The following RASGEF1A variants were observed in gnomAD, a reference collection of about 807,000 sequenced individuals.
The protein encoded by RASGEF1A is RasGEF domain family member 1A.
In RASGEF1A, 18 loss-of-function variants were observed where a neutral mutation model predicts 56.4. The observed-to-expected ratio is 0.32, with a 90% CI of 0.22 to 0.47. The LOEUF is 0.47. Among genes scored for constraint, RASGEF1A ranks in the 20% least tolerant of loss-of-function variants. The probability of loss-of-function intolerance (pLI) is 1.00; values close to 1 mark genes in which losing one functional copy is unlikely to be tolerated. For missense variants in RASGEF1A, 422 were observed against 627.1 expected, an observed-to-expected ratio of 0.67 and a Z score of 3.49; for synonymous variants, 245 against 242.6, an observed-to-expected ratio of 1.01 and a Z score of -0.09.
chr10:43,228,892 G>A (rs933224242), intron 1 of RASGEF1A, among the ~76,000 whole-genome samples: 12 of 152,234 alleles, frequency 7.9e-5, no homozygotes, highest in African/African-American at 2.9e-4. Flanking sequence ...AGAAGGAAGG[G>A]ACAGATGAGT....
chr10:43,199,762 C>G lies in RASGEF1A; in HGVS notation c.763G>C (p.Gly255Arg). The stretch of plus-strand genomic sequence containing the variant: ...AGGCTGTAGGTCTTGGTCAGGTCCC[C>G]TCGGCACTGGAAAGGACACAGCAGG... ...MDSLDNHRCR[G>R]DLTKTYSLEA... is the part of the protein sequence containing the mutation. Residue 255 changes from glycine (G) to arginine (R), a missense_variant, in exon 7 of 13, where the codon GGG (glycine) becomes CGG (arginine). By Grantham distance (125) the Gly-to-Arg change is moderately radical. Transcript: ENST00000395810. 1 of 1,613,478 alleles carries G rather than the reference C, an allele frequency of 6.2e-7. No homozygotes were observed. Among genetic ancestry groups the G allele is most frequent in the Non-Finnish European group, 8.5e-7 (1 of 1,179,880 alleles).
intron 1 of RASGEF1A, among the ~76,000 whole-genome samples, chr10:43,231,637 C>T (rs901862485): frequency 3.3e-5 from 5 of 152,280 alleles, no homozygotes; most frequent in Admixed American, 6.5e-5. Flanking sequence ...GGAATGGGGC[C>T]CTTGCCCCCA....
intron 1 of RASGEF1A, among the ~76,000 whole-genome samples, chr10:43,221,395 T>C (rs946626681): frequency 1.3e-5 from 2 of 152,206 alleles, no homozygotes; most frequent in African/African-American, 4.8e-5. Flanking sequence ...GCCGTCTCCA[T>C]GCCTCCCCAG....
At chr10:43,240,714 C>A (rs529687443) in intron 1 of RASGEF1A, among the ~76,000 whole-genome samples, 1 of 151,952 alleles carries the variant, frequency 6.6e-6, no homozygotes. Context: ...TAAATAGAGC[C>A]ACAGACACCA....
At chr10:43,216,940 C>T (rs1426377264) in intron 1 of RASGEF1A, among the ~76,000 whole-genome samples, 7 of 152,150 alleles carry the variant, frequency 4.6e-5, no homozygotes, top group Admixed American at 2.0e-4. Flanking sequence ...CCTCCTTTGC[C>T]GCTCACCCTT....
chr10:43,245,963 TA>T (rs1447245924), intron 1 of RASGEF1A, among the ~76,000 whole-genome samples: 1 of 152,048 alleles, frequency 6.6e-6, no homozygotes, highest in Non-Finnish European at 1.5e-5. Flanking sequence ...AAAGAAGAAG[TA>T]AAACTATCTC....
chr10:43,210,325 T>C (rs1179296407), intron 1 of RASGEF1A, among the ~76,000 whole-genome samples: 1 of 151,972 alleles, frequency 6.6e-6, no homozygotes, highest in Admixed American at 6.5e-5. Context: ...CAAAAAAAAA[T>C]TAGCCAGGTG....
chr10:43,198,248 C>G, intron 9 of RASGEF1A, 53 bp from the exon 10 acceptor site: 3 of 1,479,108 alleles, frequency 2.0e-6, no homozygotes, highest in South Asian at 2.5e-5. Context: ...CCCCTCCGAC[C>G]TGCTCCAGAT....
intron 1 of RASGEF1A, chr10:43,207,487 C>T: frequency 1.0e-6 from 1 of 985,562 alleles, no homozygotes; most frequent in African/African-American, 1.7e-5. Flanking sequence ...GAGCATCTGG[C>T]CCAGACGTCA....
rs557977983 is a variant in RASGEF1A at position 43,263,284 on chromosome 10, C to T, written c.-7+3561G>A. Among the ~76,000 whole-genome samples, 15 of 152,234 alleles carry T rather than the reference C, an allele frequency of 9.9e-5. No individual in the cohort carries two copies. In the East Asian group the frequency reaches 2.7e-3, roughly 27 times the overall value. Reference sequence around the variant, plus strand: ...CTGGGAACAAGGCAGTGGACATCCACGGCCTCTCAAGAAGACATCCCTGGA... The same window carrying T: ...CTGGGAACAAGGCAGTGGACATCCATGGCCTCTCAAGAAGACATCCCTGGA... On this transcript the variant is annotated intron_variant, in intron 1 of 12. Coordinates refer to ENST00000395810, the MANE Select transcript of RASGEF1A (RefSeq NM_145313.4).
chr10:43,240,522 AC>A (rs1378206328), intron 1 of RASGEF1A, among the ~76,000 whole-genome samples: 1 of 152,230 alleles, frequency 6.6e-6, no homozygotes, highest in Non-Finnish European at 1.5e-5. Context: ...ATAAAGGAAT[AC>A]AAATTATAAA....
chr10:43,252,653 T>C (rs1840640134), intron 1 of RASGEF1A, among the ~76,000 whole-genome samples: 1 of 152,102 alleles, frequency 6.6e-6, no homozygotes, highest in Non-Finnish European at 1.5e-5. Flanking sequence ...TCTGAAGGTC[T>C]GATTTCCCCT....
At chr10:43,244,256 C>T (rs1321784010) in intron 1 of RASGEF1A, among the ~76,000 whole-genome samples, 2 of 138,518 alleles carry the variant, frequency 1.4e-5, no homozygotes, top group Non-Finnish European at 3.3e-5. Flanking sequence ...GGCCGAAGGC[C>T]GCAGGGACCT....
intron 1 of RASGEF1A, chr10:43,206,997 C>A (rs1840005097): frequency 1.0e-6 from 1 of 985,416 alleles, no homozygotes; most frequent in Admixed American, 6.1e-5. Flanking sequence ...CCACACCCTG[C>A]AGCTGGGAGT....
intron 1 of RASGEF1A, among the ~76,000 whole-genome samples, chr10:43,229,902 C>G (rs987983072): frequency 1.3e-5 from 2 of 151,890 alleles, no homozygotes; most frequent in South Asian, 4.1e-4. Context: ...AGGAGCATGG[C>G]GCGGAGGTGG....
chr10:43,196,922 G>A lies in RASGEF1A; in HGVS notation c.1348+54C>T. On this transcript the variant is annotated intron_variant, in intron 11 of 12. Coordinates refer to ENST00000395810, the MANE Select transcript of RASGEF1A (RefSeq NM_145313.4). The surrounding 1 kb of genome is among the most constrained non-coding windows in gnomAD (Gnocchi z 4.6). Reference sequence around the variant, plus strand: ...GGCAACCCCAAAGAGCACCGGGCCTGGACAAGGAGTCAGGTGGGGTGGGAG... The same window carrying A: ...GGCAACCCCAAAGAGCACCGGGCCTAGACAAGGAGTCAGGTGGGGTGGGAG... The A allele has an allele frequency of 3.1e-6, 5 of 1,600,546 alleles. No individual in the cohort carries two copies. Among genetic ancestry groups the A allele is most frequent in the Non-Finnish European group, 4.3e-6 (5 of 1,174,340 alleles).
At chr10:43,236,318 T>C (rs1164316505) in intron 1 of RASGEF1A, among the ~76,000 whole-genome samples, 1 of 152,236 alleles carries the variant, frequency 6.6e-6, no homozygotes, top group South Asian at 2.1e-4. Context: ...TGTGTGTTTG[T>C]GTGACCTTGT....
At chr10:43,248,140 G>C (rs1407425169) in intron 1 of RASGEF1A, among the ~76,000 whole-genome samples, 1 of 151,460 alleles carries the variant, frequency 6.6e-6, no homozygotes, top group Non-Finnish European at 1.5e-5. Flanking sequence ...TGGATCACTT[G>C]AGGTGAGGAG....
chr10:43,237,381 C>T (rs998066586), intron 1 of RASGEF1A, among the ~76,000 whole-genome samples: 2 of 151,960 alleles, frequency 1.3e-5, no homozygotes, highest in African/African-American at 4.8e-5. Context: ...CCATCATGGG[C>T]CCAGGCCCCG....
Sources: gnomAD v4.1 joint callset for allele counts (sites outside exome capture counted in the v4.1 genomes callset) on GRCh38, gnomAD v4.1.1 for gene constraint, Gnocchi (gnomAD v3.1) non-coding constraint, MANE v1.5 for transcripts, NCBI Gene and HGNC (gene_info 2026-07-23, HGNC 2026-07-21) for gene names.